Variants in ACTG1 observed in about 807,000 individuals in gnomAD.
The protein encoded by ACTG1 is actin gamma 1.
A neutral mutation model predicts 34.3 loss-of-function variants in ACTG1; 14 were observed. The observed-to-expected ratio is 0.41, with a 90% CI of 0.27 to 0.64. The LOEUF (loss-of-function observed/expected upper bound fraction) is 0.64, where lower values mean the gene tolerates loss of function less well. ACTG1 is among the 30% of genes least tolerant of loss of function. The probability of loss-of-function intolerance (pLI) is 0.33; values close to 1 mark genes in which losing one functional copy is unlikely to be tolerated. For missense variants in ACTG1, 233 were observed against 529.5 expected (o/e 0.44, Z 5.50); for synonymous variants, 422 against 213.9 (o/e 1.97, Z -8.49).
Position 81,510,607 on chromosome 17 carries a change from C to G in ACTG1, c.*83G>C. 1.3e-6 allele frequency: 2 copies of G among 1,556,928 alleles called. No individual in the cohort carries two copies. Among genetic ancestry groups the G allele is most frequent in the Non-Finnish European group, 1.8e-6 (2 of 1,130,064 alleles). On this transcript the variant is annotated 3_prime_UTR_variant, in exon 6 of 6. Coordinates refer to ENST00000573283, the MANE Select transcript of ACTG1 (RefSeq NM_001614.5). ...GCTTATTCCAGTTTCGTGAGGCTAG[C>G]ATGAGGTGTGTGCATTTGCCAGGGG...
At position 81,510,564 on chromosome 17, in the gene ACTG1, G is replaced by T; in HGVS notation, c.*126C>A. 3 of 1,248,524 alleles carry T rather than the reference G, an allele frequency of 2.4e-6. No homozygotes were observed. Among genetic ancestry groups the T allele is most frequent in the Non-Finnish European group, 2.3e-6 (2 of 856,072 alleles). 77.3% of individuals were successfully genotyped at this position (1,248,524 alleles called of 1,614,324 possible). On this transcript the variant is annotated 3_prime_UTR_variant, in exon 6 of 6. Coordinates refer to ENST00000573283, the MANE Select transcript of ACTG1 (RefSeq NM_001614.5). ...GCTGATATCAGATACAAGCTTCAAGGACAATTTCTTTTCGAAGGCTTATTC... is the reference window on the plus strand; with the variant it reads ...GCTGATATCAGATACAAGCTTCAAGTACAATTTCTTTTCGAAGGCTTATTC...
chr17:81,511,812 G>A (rs561562719), intron 3 of ACTG1, 91 bp downstream of exon 3: 52 of 1,598,932 alleles, frequency 3.3e-5, no homozygotes, highest in African/African-American at 1.1e-4. Context: ...GCCTGGAACA[G>A]CGAAAGAAAC....
chr17:81,511,798 C>T (rs782794232), intron 3 of ACTG1, 105 bp downstream of exon 3: 1 of 1,587,174 alleles, frequency 6.3e-7, no homozygotes. Context: ...GGGAGAGGAA[C>T]AGAGCCTGGA....
chr17:81,511,976 G>A lies in ACTG1; in HGVS notation c.290C>T (p.Ala97Val). 6.2e-7 allele frequency: 1 copy of A among 1,614,096 alleles called. No individual in the cohort carries two copies. The highest frequency in any genetic ancestry group is 8.5e-7 in the Non-Finnish European group (1 of 1,180,044). ...CAGCAGCACTGGGTGCTCCTCCGGG[G>A]CCACGCGCAGCTCGTTGTAGAAGGT... ...HHTFYNELRV[A>V]PEEHPVLLTE... The change falls in exon 3 of 6, where the codon GCC (alanine) becomes GTC (valine). Residue 97 changes from alanine to valine, a missense_variant. Physicochemically the swap from Ala to Val is moderately conservative, Grantham distance 64. Coordinates refer to ENST00000573283, the MANE Select transcript of ACTG1 (RefSeq NM_001614.5).
In ACTG1 at chr17:81,510,483, G is replaced by C. The variant is rs782343889; in HGVS notation, c.*207C>G. 3 of 736,892 alleles carry C rather than the reference G, an allele frequency of 4.1e-6. No homozygotes were observed. Among genetic ancestry groups the C allele is most frequent in the South Asian group, 1.5e-5 (1 of 67,716 alleles). The allele number at this position is 736,892 out of a possible 1,614,324, so 45.6% of individuals were successfully genotyped here. A position where few individuals can be genotyped will look rare whatever the true frequency, so the allele number is the denominator to read the frequency against. ...TACAGGGTATTAAACAAATACCAAGGGGAACAGTTAACTTCAATACAAGGT... is the reference window on the plus strand; with the variant it reads ...TACAGGGTATTAAACAAATACCAAGCGGAACAGTTAACTTCAATACAAGGT... On this transcript the variant is annotated 3_prime_UTR_variant, in exon 6 of 6. Transcript: ENST00000573283.
chr17:81,510,062 T>C lies in ACTG1; in HGVS notation c.*628A>G, dbSNP rs782802975. Reference sequence around the variant, plus strand: ...ATAACAGTAGAAAACCAAAATTTGTTGTCATCTCTTCAAAGAATCGAGAAT... The same window carrying C: ...ATAACAGTAGAAAACCAAAATTTGTCGTCATCTCTTCAAAGAATCGAGAAT... On this transcript the variant is annotated 3_prime_UTR_variant, in exon 6 of 6. Transcript: ENST00000573283. 12 of 453,046 alleles carry C rather than the reference T, an allele frequency of 2.6e-5. No individual in the cohort carries two copies. Among genetic ancestry groups the C allele is most frequent in the East Asian group, 2.1e-4 (3 of 14,398 alleles). The allele number at this position is 453,046 out of a possible 1,614,324, so 28.1% of individuals were successfully genotyped here.
chr17:81,511,905 G>A lies in ACTG1; in HGVS notation c.361C>T (p.Gln121Ter), dbSNP rs782297602. Residue 121 changes from glutamine to a stop codon, truncating the protein, a stop_gained and splice_region_variant, in exon 3 of 6, where the codon CAG (glutamine) becomes TAG (stop). Transcript: ENST00000573283. LOFTEE classifies it high-confidence loss of function. ...NPKANREKMT[Q>*]IMFETFNTPA... is the part of the protein sequence containing the mutation. ...CACGGGCGTCGGCCGAGCCTCACCT[G>A]AGTCATCTTCTCTCTGTTGGCCTTG... 1.9e-6 allele frequency: 3 copies of A among 1,614,152 alleles called. No homozygotes were observed. Among genetic ancestry groups the A allele is most frequent in the Non-Finnish European group, 1.7e-6 (2 of 1,180,010 alleles).
chr17:81,510,990 C>A lies in ACTG1; in HGVS notation c.921G>T (p.Pro307=). ...CCTTCTGCATCCTGTCGGCAATGCC[C>A]GGGTACATGGTGGTGCCGCCCGACA... is the stretch of plus-strand genomic sequence containing the variant. The part of the protein sequence containing the change: ...TVLSGGTTMY[P]GIADRMQKEI... Residue 307 remains proline, a synonymous_variant, in exon 5 of 6, where the codon CCG becomes CCT. Transcript: ENST00000573283. The A allele has an allele frequency of 6.2e-7, 1 of 1,614,050 alleles. No homozygotes were observed. Among genetic ancestry groups the A allele is most frequent in the South Asian group, 1.1e-5 (1 of 91,082 alleles).
At chr17:81,511,710 A>G (rs2031793390) in intron 3 of ACTG1, 84 bp from the exon 4 acceptor site, 2 of 1,523,148 alleles carry the variant, frequency 1.3e-6, no homozygotes, top group Non-Finnish European at 1.8e-6. Context: ...GCTGCATGCC[A>G]GTGTGATGTG....
chr17:81,511,868 G>C (rs782510294), intron 3 of ACTG1, 35 bp downstream of exon 3: 9 of 1,613,646 alleles, frequency 5.6e-6, no homozygotes, highest in Admixed American at 1.7e-5. Context: ...ACTGGGGAAA[G>C]GACGGGAGGA....
chr17:81,509,986 C>T lies in ACTG1; in HGVS notation c.*704G>A, dbSNP rs1598544351. ...GAGCCATTCATTGGTTACGGCAGCA[C>T]TTTTATTTTTCCTTACACAATGACG... On this transcript the variant is annotated 3_prime_UTR_variant, in exon 6 of 6. Coordinates refer to ENST00000573283, the MANE Select transcript of ACTG1 (RefSeq NM_001614.5). 3 of 399,474 alleles carry T rather than the reference C, an allele frequency of 7.5e-6. No individual in the cohort carries two copies. The highest frequency in any genetic ancestry group is 2.1e-5 in the African/African-American group (1 of 47,692). 24.7% of individuals were successfully genotyped at this position (399,474 alleles called of 1,614,324 possible). A position where few individuals can be genotyped will look rare whatever the true frequency, so the allele number is the denominator to read the frequency against.
At chr17:81,511,735 G>A (rs761937946) in intron 3 of ACTG1, 109 bp from the exon 4 acceptor site, 10 of 1,516,660 alleles carry the variant, frequency 6.6e-6, no homozygotes, top group East Asian at 2.3e-5. Flanking sequence ...GAAAAGAAAA[G>A]AACGCAGGCA....
rs142131810 is a variant in ACTG1, at chr17:81,511,887, G to A, written c.363+16C>T. On this transcript the variant is annotated intron_variant, in intron 3 of 5. Coordinates refer to ENST00000573283, the MANE Select transcript of ACTG1 (RefSeq NM_001614.5). Reference sequence around the variant, plus strand: ...GGGAAAGGACGGGAGGAGCACGGGCGTCGGCCGAGCCTCACCTGAGTCATC... The same window carrying A: ...GGGAAAGGACGGGAGGAGCACGGGCATCGGCCGAGCCTCACCTGAGTCATC... 3.1e-6 allele frequency: 5 copies of A among 1,614,012 alleles called. No homozygotes were observed. Among genetic ancestry groups the A allele is most frequent in the African/African-American group, 1.3e-5 (1 of 75,052 alleles).
intron 1 of ACTG1, 61 bp from the exon 2 acceptor site, chr17:81,512,421 C>A: frequency 6.2e-7 from 1 of 1,613,006 alleles, no homozygotes; most frequent in Non-Finnish European, 8.5e-7. Context: ...TCCCCACAGC[C>A]ACCTAATGCC....
intron 3 of ACTG1, 37 bp downstream of exon 3, chr17:81,511,866 A>AAGGACGGGAGG (rs782810052): frequency 6.2e-6 from 10 of 1,612,802 alleles, no homozygotes; most frequent in South Asian, 5.5e-5. Context: ...TGACTGGGGA[A>AAGGACGGGAGG]AGGACGGGAG....
intron 1 of ACTG1, 117 bp from the exon 2 acceptor site, chr17:81,512,477 G>A (rs367731873): frequency 1.0e-5 from 16 of 1,565,356 alleles, no homozygotes; most frequent in South Asian, 4.5e-5. Context: ...AGCGGCCGTG[G>A]CCTCCAAGAT....
rs1555666611 is a variant in ACTG1, at chr17:81,511,204, G to A, written c.786C>T (p.Phe262=). The change falls in exon 4 of 6, where the codon TTC becomes TTT. Residue 262 remains phenylalanine (F), a synonymous_variant. Coordinates refer to ENST00000573283, the MANE Select transcript of ACTG1 (RefSeq NM_001614.5). ...NERFRCPEAL[F]QPSFLGMESC... ...AACACCTACCCAGGAAGGAAGGCTG[G>A]AACAGCGCCTCCGGACACCGGAACC... The A allele has an allele frequency of 6.2e-7, 1 of 1,613,720 alleles. No homozygotes were observed. The highest frequency in any genetic ancestry group is 1.1e-5 in the South Asian group (1 of 91,088).
chr17:81,512,797 G>T lies in ACTG1; in HGVS notation c.-70C>A. 2.4e-6 allele frequency: 1 copy of T among 409,952 alleles called. No individual in the cohort carries two copies. The highest frequency in any genetic ancestry group is 1.1e-4 in the East Asian group (1 of 9,172). 25.4% of individuals were successfully genotyped at this position (409,952 alleles called of 1,614,324 possible). The stretch of plus-strand genomic sequence containing the variant: ...AGTGCGAGAGCTGGCAGCGGCGACT[G>T]AGACCGACCGCGGCCTCCCCCGCCG... On this transcript the variant is annotated 5_prime_UTR_variant, in exon 1 of 6. Coordinates refer to ENST00000573283, the MANE Select transcript of ACTG1 (RefSeq NM_001614.5).
rs2031746882 is a variant in ACTG1, at chr17:81,511,216, C to CG, written c.773dup (p.Glu259GlyfsTer28). 6.2e-7 allele frequency: 1 copy of CG among 1,613,578 alleles called. No homozygotes were observed. The highest frequency in any genetic ancestry group is 1.7e-5 in the Admixed American group (1 of 60,006). On this transcript the variant is annotated frameshift_variant, in exon 4 of 6. Coordinates refer to ENST00000573283, the MANE Select transcript of ACTG1 (RefSeq NM_001614.5). LOFTEE classifies it high-confidence loss of function. ...GGAAGGAAGGCTGGAACAGCGCCTC[C>CG]GGACACCGGAACCGCTCATTGCCAA...
Sources: gnomAD v4.1 joint callset for allele counts on GRCh38, gnomAD v4.1.1 for gene constraint, MANE v1.5 for transcripts, NCBI Gene and HGNC (gene_info 2026-07-23, HGNC 2026-07-21) for gene names.